The following TGFBR3 variants were observed in gnomAD, a reference collection of about 807,000 sequenced individuals.
TGFBR3 encodes transforming growth factor beta receptor type 3.
A neutral mutation model predicts 87.9 loss-of-function variants in TGFBR3; 46 were observed. That is an observed-to-expected ratio of 0.52 (90% confidence interval 0.41 to 0.67). The LOEUF (loss-of-function observed/expected upper bound fraction) is 0.67, where lower values mean the gene tolerates loss of function less well. Among genes scored for constraint, TGFBR3 ranks in the 30% least tolerant of loss-of-function variants. The probability of loss-of-function intolerance (pLI) is 0.00; values close to 1 mark genes in which losing one functional copy is unlikely to be tolerated. For synonymous variants in TGFBR3, 381 were observed against 391.6 expected (o/e 0.97, Z 0.32); for missense variants, 866 against 1,041.9 (o/e 0.83, Z 2.32).
chr1:91,698,215 C>T (rs1191156119), intron 14 of TGFBR3, 85 bp from the exon 15 acceptor site: 2 of 1,145,602 alleles, frequency 1.7e-6, no homozygotes, highest in Admixed American at 3.4e-5. Flanking sequence ...CAGAAACTGA[C>T]ACTTTTCCAT....
chr1:91,745,898 CA>C (rs1017201791), intron 4 of TGFBR3, among the ~76,000 whole-genome samples: 8 of 152,182 alleles, frequency 5.3e-5, no homozygotes, highest in Non-Finnish European at 2.9e-5. Context: ...ATTCATGAAA[CA>C]CAAATCCATG....
rs546533338 is a variant in TGFBR3, at chr1:91,800,354, G to A, written c.62-2883C>T. 2.4e-3 allele frequency among the ~76,000 whole-genome samples: 355 copies of A among 147,762 alleles called. 1 individual carries two copies. Among genetic ancestry groups the A allele is most frequent in the East Asian group, 0.013 (66 of 4,900 alleles). Reference sequence around the variant, plus strand: ...TATGTGTGTGTGTGTGTGTGTGTGTGTATATAAAAGCAGTTGTGGTGGTGC... The same window carrying A: ...TATGTGTGTGTGTGTGTGTGTGTGTATATATAAAAGCAGTTGTGGTGGTGC... On this transcript the variant is annotated intron_variant, in intron 2 of 16. Coordinates refer to ENST00000212355, the MANE Select transcript of TGFBR3 (RefSeq NM_003243.5).
chr1:91,812,236 A>G (rs1219075908), intron 2 of TGFBR3, among the ~76,000 whole-genome samples: 5 of 152,196 alleles, frequency 3.3e-5, no homozygotes, highest in Admixed American at 1.3e-4. Context: ...TCAGTATTTC[A>G]TATTCCTTTC....
In TGFBR3 at chr1:91,698,088, C is replaced by T. The variant is rs747740059; in HGVS notation, c.2329+1G>A. 13 of 1,613,602 alleles carry T rather than the reference C, an allele frequency of 8.1e-6. 1 individual carries two copies. In the South Asian group the frequency reaches 9.9e-5, roughly 12 times the overall value. On this transcript the variant is annotated splice_donor_variant, in intron 15 of 16. Transcript: ENST00000212355. LOFTEE classifies it high-confidence loss of function. ...TTCGAAATAGTTGCATAAAGACTTA[C>T]GTGGAGAAATTGGATTTGGTTCCTT... is the stretch of plus-strand genomic sequence containing the variant.
chr1:91,781,237 C>T (rs917891982), intron 3 of TGFBR3, among the ~76,000 whole-genome samples: 2 of 152,202 alleles, frequency 1.3e-5, no homozygotes, highest in African/African-American at 2.4e-5. Flanking sequence ...ACCACAGTTA[C>T]TCAGCAGCAA....
chr1:91,773,131 C>A (rs971352509), intron 3 of TGFBR3, among the ~76,000 whole-genome samples: 20 of 152,170 alleles, frequency 1.3e-4, no homozygotes, highest in Non-Finnish European at 2.4e-4. Flanking sequence ...GTAATCCCAG[C>A]ACTCTGGGAG....
At chr1:91,786,562 C>A (rs570521099) in intron 3 of TGFBR3, among the ~76,000 whole-genome samples, 1 of 151,958 alleles carries the variant, frequency 6.6e-6, no homozygotes, top group Non-Finnish European at 1.5e-5. Context: ...ACCAGCCTGG[C>A]CAACATGGTG....
chr1:91,902,271 TTGTGTGTGTGTGTG>T lies in TGFBR3; in HGVS notation c.-174-2588_-174-2575del, dbSNP rs200355608. Among the ~76,000 whole-genome samples, 54 of 148,354 alleles carry T rather than the reference TTGTGTGTGTGTGTG, an allele frequency of 3.6e-4. No homozygotes were observed. In the South Asian group the frequency reaches 0.01, roughly 28 times the overall value. On this transcript the variant is annotated intron_variant, in intron 1 of 17. Transcript: ENST00000370399. ...GACGTGCAGTTTCTTTCCTTTTCTT[TTGTGTGTGTGTGTG>T]TGTGTGTGTGTGTGACAGGGTCTCA...
Position 91,727,699 on chromosome 1 carries a change from A to C in TGFBR3, c.845T>G (p.Val282Gly). The C allele has an allele frequency of 6.2e-7, 1 of 1,614,156 alleles. No homozygotes were observed. The highest frequency in any genetic ancestry group is 8.5e-7 in the Non-Finnish European group (1 of 1,180,012). ...ILKCKKSVNW[V>G]IKSFDVKGSL... is the part of the protein sequence containing the mutation. ...TCCCTTAACATCAAAAGATTTGATCACCCAGTTGACAGACTTTTTGCACTT... is the reference window on the plus strand; with the variant it reads ...TCCCTTAACATCAAAAGATTTGATCCCCCAGTTGACAGACTTTTTGCACTT... Residue 282 changes from valine to glycine, a missense_variant, in exon 7 of 17, where the codon GTG becomes GGG. Transcript: ENST00000212355.
In TGFBR3 at chr1:91,681,777, T is replaced by C. The variant is rs1022083307; in HGVS notation, c.*1962A>G. ...AAGACTCTAGTCTTCTTTGAAGACA[T>C]CTTTAAACTTTTTTATACATAGAAT... On this transcript the variant is annotated 3_prime_UTR_variant, in exon 17 of 17. Coordinates refer to ENST00000212355, the MANE Select transcript of TGFBR3 (RefSeq NM_003243.5). The C allele has an allele frequency of 4.3e-5, 19 of 444,864 alleles. No individual in the cohort carries two copies. In the Admixed American group the frequency reaches 4.7e-4, roughly 11 times the overall value. The allele number at this position is 444,864 out of a possible 1,614,324, so 27.6% of individuals were successfully genotyped here.
intron 5 of TGFBR3, among the ~76,000 whole-genome samples, chr1:91,731,494 G>C (rs1463938184): frequency 6.6e-6 from 1 of 152,222 alleles, no homozygotes. Flanking sequence ...CAGGCTGCTA[G>C]AGCAGCCTCC....
chr1:91,854,424 G>C (rs537925318), intron 2 of TGFBR3, among the ~76,000 whole-genome samples: 65 of 152,066 alleles, frequency 4.3e-4, no homozygotes, highest in African/African-American at 1.4e-3. Flanking sequence ...AAGGTGGTAG[G>C]AACATGCTGA....
At chr1:91,803,158 C>A (rs1286612336) in intron 2 of TGFBR3, among the ~76,000 whole-genome samples, 1 of 152,216 alleles carries the variant, frequency 6.6e-6, no homozygotes, top group African/African-American at 2.4e-5. Context: ...TCTGGCCCTG[C>A]TTCCTGCCAC....
At chr1:91,708,579 A>C in intron 14 of TGFBR3, 84 bp downstream of exon 14, 2 of 1,604,260 alleles carry the variant, frequency 1.2e-6, no homozygotes, top group Non-Finnish European at 1.7e-6. Flanking sequence ...TTGTGAATAA[A>C]GCTGGACTTT....
intron 6 of TGFBR3, among the ~76,000 whole-genome samples, chr1:91,728,883 TTTTTC>T (rs1231067205): frequency 2.0e-5 from 3 of 152,166 alleles, no homozygotes; most frequent in Non-Finnish European, 4.4e-5. Context: ...CTTTTTCTCC[TTTTTC>T]TTTAATTCCC....
chr1:91,682,404 CTTTTTT>C lies in TGFBR3; in HGVS notation c.*1329_*1334del, dbSNP rs59188054. The C allele has an allele frequency of 4.0e-4, 139 of 347,392 alleles. 1 individual carries two copies. Among genetic ancestry groups the C allele is most frequent in the African/African-American group, 3.0e-3 (115 of 37,958 alleles). 21.5% of individuals were successfully genotyped at this position (347,392 alleles called of 1,614,324 possible). ...AGCATGATAATTCCCCCCTGGCATT[CTTTTTT>C]TTTTTTTTTTTTTTTAACAAGGAGG... On this transcript the variant is annotated 3_prime_UTR_variant, in exon 17 of 17. Transcript: ENST00000212355.
intron 14 of TGFBR3, among the ~76,000 whole-genome samples, chr1:91,703,699 G>A (rs755989193): frequency 5.9e-5 from 9 of 152,122 alleles, no homozygotes; most frequent in East Asian, 3.9e-4. Context: ...TGTAAAAAGC[G>A]GTCACAGAAT....
chr1:91,758,613 C>T lies in TGFBR3; in HGVS notation c.384G>A (p.Leu128=). ...GTTTGGGGGAGGTTTAAGCACTTAC[C>T]AAAAACAGTCTGGAGACCCCAGTGG... ...RLATGVSRLF[L]VSEGSVVQFS... is the part of the protein sequence containing the mutation. The change falls in exon 4 of 17, where the codon TTG becomes TTA. Residue 128 remains leucine (L), a splice_region_variant and synonymous_variant. Transcript: ENST00000212355. 3 of 1,613,818 alleles carry T rather than the reference C, an allele frequency of 1.9e-6. No homozygotes were observed. Among genetic ancestry groups the T allele is most frequent in the Non-Finnish European group, 2.5e-6 (3 of 1,179,834 alleles).
In TGFBR3 at chr1:91,682,876, A is replaced by C. The variant is rs1186057664; in HGVS notation, c.*863T>G. 2.2e-6 allele frequency: 1 copy of C among 453,068 alleles called. No individual in the cohort carries two copies. The highest frequency in any genetic ancestry group is 7.0e-5 in the East Asian group (1 of 14,368). 28.1% of individuals were successfully genotyped at this position (453,068 alleles called of 1,614,324 possible). A position where few individuals can be genotyped will look rare whatever the true frequency, so the allele number is the denominator to read the frequency against. ...TACACATAGAAATATATCACTGTGC[A>C]AATTCGTCCTTGACTTTATAACTGA... On this transcript the variant is annotated 3_prime_UTR_variant, in exon 17 of 17. Transcript: ENST00000212355.
Sources: allele counts gnomAD v4.1 joint callset (sites outside exome capture counted in the v4.1 genomes callset), GRCh38; gene constraint gnomAD v4.1.1; transcripts MANE v1.5; gene names NCBI Gene and HGNC (gene_info 2026-07-23, HGNC 2026-07-21).